Variants in GLIS3 observed in about 807,000 individuals in gnomAD.
The protein encoded by GLIS3 is GLIS family zinc finger 3, also known as zinc finger protein GLIS3.
In GLIS3, 53 loss-of-function variants were observed where a neutral mutation model predicts 78.6. The observed-to-expected ratio is 0.67, with a 90% CI of 0.54 to 0.85. The LOEUF (loss-of-function observed/expected upper bound fraction) is 0.85, where lower values mean the gene tolerates loss of function less well. Ranked by LOEUF, GLIS3 falls within the 40% of genes least tolerant of loss-of-function variation. The pLI, the probability that GLIS3 is intolerant of heterozygous loss-of-function variation, is 0.00. For synonymous variants in GLIS3, 684 were observed against 509.9 expected (o/e 1.34, Z -4.60); for missense variants, 1,703 against 1,231.1 (o/e 1.38, Z -5.74).
intron 9 of GLIS3, among the ~76,000 whole-genome samples, chr9:3,846,807 C>T (rs960111424): frequency 6.6e-6 from 1 of 152,146 alleles, no homozygotes; most frequent in African/African-American, 2.4e-5. Context: ...ATTAAGTTTA[C>T]CTCAATGTGT....
chr9:3,971,954 A>T (rs1021183924), intron 4 of GLIS3, among the ~76,000 whole-genome samples: 14 of 152,296 alleles, frequency 9.2e-5, no homozygotes, highest in African/African-American at 3.4e-4. Context: ...GCTCTGGAGA[A>T]AACAGTGAGT....
the GLIS3 span, among the ~76,000 whole-genome samples, chr9:4,484,890 G>A: frequency 6.6e-6 from 1 of 151,970 alleles, no homozygotes; most frequent in Admixed American, 6.6e-5. Context: ...TAAGTTGTAG[G>A]CATAAATTAT....
chr9:4,289,702 C>T lies in GLIS3; in HGVS notation c.-98-3179G>A, dbSNP rs185940978. Among the ~76,000 whole-genome samples, 480 of 152,208 alleles carry T rather than the reference C, an allele frequency of 3.2e-3. 1 individual carries two copies. The highest frequency in any genetic ancestry group is 0.01 in the Middle Eastern group (3 of 294). The stretch of plus-strand genomic sequence containing the variant: ...AAGAAAAAGAAAAAGCAAGGAACAT[C>T]CAGAGGTATAAATTAGGATATTTTG... On this transcript the variant is annotated intron_variant, in intron 1 of 10. Coordinates refer to ENST00000381971, the MANE Select transcript of GLIS3 (RefSeq NM_001042413.2).
chr9:4,303,268 GACACACAC>G (rs5896061), upstream of GLIS3, among the ~76,000 whole-genome samples: 5 of 144,984 alleles, frequency 3.4e-5, no homozygotes, highest in African/African-American at 1.4e-4. Flanking sequence ...TTAAAACACA[GACACACAC>G]ACACACACAC....
chr9:4,111,548 T>C lies in GLIS3; in HGVS notation c.1710+6220A>G, dbSNP rs568639293. On this transcript the variant is annotated intron_variant, in intron 4 of 10. Coordinates refer to ENST00000381971, the MANE Select transcript of GLIS3 (RefSeq NM_001042413.2). ...CTGTGTTTTGGGATATGAAATCCTA[T>C]TTGACAGATGCCTTATAGACTGTGG... Among the ~76,000 whole-genome samples, 55 of 152,358 alleles carry C rather than the reference T, an allele frequency of 3.6e-4. 1 individual carries two copies. In the South Asian group the frequency reaches 0.011, roughly 29 times the overall value.
At chr9:4,132,533 G>A (rs370247910) in intron 2 of GLIS3, among the ~76,000 whole-genome samples, 2 of 152,082 alleles carry the variant, frequency 1.3e-5, no homozygotes, top group Non-Finnish European at 1.5e-5. Context: ...TGGGAAGAGC[G>A]GAGAGAAGCA....
At chr9:4,331,843 T>C (rs1375750709) in intron 2 of GLIS3, among the ~76,000 whole-genome samples, 6 of 152,038 alleles carry the variant, frequency 3.9e-5, no homozygotes, top group East Asian at 3.9e-4. Context: ...AGAGAACACA[T>C]GAACAAAGGC....
chr9:3,891,923 C>T (rs925252064), intron 7 of GLIS3, among the ~76,000 whole-genome samples: 4 of 152,252 alleles, frequency 2.6e-5, no homozygotes, highest in African/African-American at 4.8e-5. Flanking sequence ...TTCCTATGCA[C>T]GTTGATGAGA....
chr9:4,288,452 T>G (rs895029939), intron 1 of GLIS3, among the ~76,000 whole-genome samples: 9 of 151,180 alleles, frequency 6.0e-5, no homozygotes, highest in African/African-American at 2.2e-4. Flanking sequence ...CTGCAGATTT[T>G]CAGACTGTGC....
chr9:4,165,871 C>G (rs1048587086), intron 2 of GLIS3, among the ~76,000 whole-genome samples: 2 of 152,162 alleles, frequency 1.3e-5, no homozygotes, highest in East Asian at 1.9e-4. Context: ...GGATAGAACT[C>G]TGGGAATCTC....
chr9:3,975,597 T>C (rs1818719171), intron 4 of GLIS3, among the ~76,000 whole-genome samples: 1 of 151,462 alleles, frequency 6.6e-6, no homozygotes. Flanking sequence ...AAAAAGTACC[T>C]TATAGGTGCT....
intron 4 of GLIS3, among the ~76,000 whole-genome samples, chr9:4,053,150 T>C (rs1405863740): frequency 6.6e-6 from 1 of 152,174 alleles, no homozygotes; most frequent in Non-Finnish European, 1.5e-5. Flanking sequence ...GATTTTGCCA[T>C]GTTGGCCCAG....
At chr9:3,947,026 C>T (rs1197980909) in intron 4 of GLIS3, among the ~76,000 whole-genome samples, 1 of 145,726 alleles carries the variant, frequency 6.9e-6, no homozygotes, top group Non-Finnish European at 1.6e-5. Flanking sequence ...GACGCCACGC[C>T]TCTGTCGGCC....
intron 4 of GLIS3, among the ~76,000 whole-genome samples, chr9:3,968,330 A>C (rs143608044): frequency 1.3e-5 from 2 of 152,336 alleles, no homozygotes; most frequent in East Asian, 3.9e-4. Flanking sequence ...AGGGAGCTTA[A>C]CAGCACTTGT....
At chr9:4,279,945 A>G (rs1164421230) in intron 2 of GLIS3, among the ~76,000 whole-genome samples, 1 of 152,154 alleles carries the variant, frequency 6.6e-6, no homozygotes, top group South Asian at 2.1e-4. Context: ...TAAATCTGAT[A>G]TAATAATTTA....
At chr9:4,468,789 T>G in the GLIS3 span, among the ~76,000 whole-genome samples, 2 of 152,122 alleles carry the variant, frequency 1.3e-5, no homozygotes, top group South Asian at 2.1e-4. Flanking sequence ...CATAACAATA[T>G]TAACCTTAAA....
intron 2 of GLIS3, among the ~76,000 whole-genome samples, chr9:4,283,645 T>G (rs1827749698): frequency 6.6e-6 from 1 of 152,214 alleles, no homozygotes; most frequent in African/African-American, 2.4e-5. Context: ...CTTTATTGGC[T>G]ATTGCATCTC....
chr9:4,480,587 C>A, the GLIS3 span, among the ~76,000 whole-genome samples: 30 of 152,196 alleles, frequency 2.0e-4, no homozygotes, highest in Admixed American at 6.5e-4. Flanking sequence ...TGCTATATAT[C>A]ATACAGAAGT....
At chr9:3,870,936 C>T (rs1820931336) in intron 8 of GLIS3, among the ~76,000 whole-genome samples, 1 of 152,216 alleles carries the variant, frequency 6.6e-6, no homozygotes, top group South Asian at 2.1e-4. Context: ...TGAGACAAGG[C>T]AGGTCTCTTC....
Sources: allele counts gnomAD v4.1 joint callset (sites outside exome capture counted in the v4.1 genomes callset), GRCh38; gene constraint gnomAD v4.1.1; transcripts MANE v1.5; gene names NCBI Gene and HGNC (gene_info 2026-07-23, HGNC 2026-07-21).